Variants in B4GALT1 observed in about 807,000 individuals in gnomAD.
B4GALT1 encodes the protein beta-1,4-galactosyltransferase 1.
Under a neutral mutation model 34.9 loss-of-function variants are expected in B4GALT1, and 16 were observed. The observed-to-expected ratio is 0.46, with a 90% confidence interval of 0.31 to 0.70. B4GALT1 has a LOEUF of 0.70. Among genes scored for constraint, B4GALT1 ranks in the 30% least tolerant of loss-of-function variants. The pLI is 0.05. For missense variants in B4GALT1, 445 were observed against 530.5 expected, an observed-to-expected ratio of 0.84 and a Z score of 1.58; for synonymous variants, 221 against 218.1, an observed-to-expected ratio of 1.01 and a Z score of -0.12.
chr9:33,130,312 G>A (rs1189027342), intron 2 of B4GALT1, among the ~76,000 whole-genome samples: 1 of 152,076 alleles, frequency 6.6e-6, no homozygotes. Context: ...TGAGTATTAG[G>A]AAATGCAGCA....
At chr9:33,144,541 T>C (rs1212563470) in intron 1 of B4GALT1, among the ~76,000 whole-genome samples, 1 of 152,166 alleles carries the variant, frequency 6.6e-6, no homozygotes, top group African/African-American at 2.4e-5. Context: ...CCCAGCCCAT[T>C]TTCTCTTTTT....
chr9:33,174,722 C>A, the B4GALT1 span, among the ~76,000 whole-genome samples: 11 of 147,738 alleles, frequency 7.4e-5, no homozygotes, highest in African/African-American at 2.8e-4. Flanking sequence ...TTTGGGAGGC[C>A]AAGACAGGCA....
At chr9:33,180,325 C>T in the B4GALT1 span, among the ~76,000 whole-genome samples, 1 of 152,120 alleles carries the variant, frequency 6.6e-6, no homozygotes, top group South Asian at 2.1e-4. Context: ...GCATTCCAGC[C>T]GGGGTCTAAG....
chr9:33,123,638 C>T (rs758412948), intron 2 of B4GALT1, among the ~76,000 whole-genome samples: 27 of 152,218 alleles, frequency 1.8e-4, no homozygotes, highest in South Asian at 4.1e-4. Context: ...CAGCAGAGGG[C>T]TCTTTGAGGC....
intron 1 of B4GALT1, among the ~76,000 whole-genome samples, chr9:33,135,979 C>T (rs765057576): frequency 4.7e-5 from 7 of 148,806 alleles, no homozygotes; most frequent in East Asian, 2.0e-4. Flanking sequence ...GAGTTAGCTT[C>T]GAAGTGGAAG....
downstream of B4GALT1, among the ~76,000 whole-genome samples, chr9:33,109,879 T>C (rs1839834269): frequency 6.6e-6 from 1 of 152,184 alleles, no homozygotes; most frequent in Non-Finnish European, 1.5e-5. Flanking sequence ...AGTGGTGGTG[T>C]GTGAGAAGGA....
At chr9:33,131,707 T>C (rs1464081600) in intron 2 of B4GALT1, among the ~76,000 whole-genome samples, 5 of 152,204 alleles carry the variant, frequency 3.3e-5, no homozygotes, top group Admixed American at 2.0e-4. Context: ...TAAGGTTTAT[T>C]TGCTCAACAA....
intron 1 of B4GALT1, among the ~76,000 whole-genome samples, chr9:33,143,207 A>T (rs1840378468): frequency 6.6e-6 from 1 of 152,194 alleles, no homozygotes; most frequent in Non-Finnish European, 1.5e-5. Context: ...CACACAGCAG[A>T]CCGTAGGTGG....
At chr9:33,144,938 A>G (rs1296191236) in intron 1 of B4GALT1, among the ~76,000 whole-genome samples, 1 of 152,218 alleles carries the variant, frequency 6.6e-6, no homozygotes, top group East Asian at 1.9e-4. Context: ...CAGAGCTGGG[A>G]GCCATCTTGC....
At chr9:33,129,092 G>T (rs535265879) in intron 2 of B4GALT1, among the ~76,000 whole-genome samples, 1 of 152,160 alleles carries the variant, frequency 6.6e-6, no homozygotes, top group East Asian at 1.9e-4. Flanking sequence ...TTTCAGGCAG[G>T]CTCCAGCTCT....
intron 1 of B4GALT1, among the ~76,000 whole-genome samples, chr9:33,146,874 T>C (rs760482421): frequency 3.3e-5 from 5 of 152,140 alleles, no homozygotes; most frequent in Non-Finnish European, 7.4e-5. Context: ...CTAATTTTTG[T>C]ATTTTTAGTA....
chr9:33,120,300 C>T, intron 3 of B4GALT1, 119 bp downstream of exon 3: 2 of 1,132,868 alleles, frequency 1.8e-6, no homozygotes, highest in Non-Finnish European at 2.7e-6. Context: ...ACCCATTTCT[C>T]AGAGGAGGCA....
chr9:33,167,365 A>AGAGGG (rs938943230), upstream of B4GALT1: 7 of 567,634 alleles, frequency 1.2e-5, no homozygotes, highest in African/African-American at 2.0e-5. Flanking sequence ...GCGCCGGCGG[A>AGAGGG]GAGGGGAGGG....
intron 1 of B4GALT1, among the ~76,000 whole-genome samples, chr9:33,145,683 A>G (rs973475437): frequency 2.0e-5 from 3 of 152,210 alleles, no homozygotes; most frequent in African/African-American, 7.2e-5. Flanking sequence ...GATTGGCAAA[A>G]AAGCTGTCCT....
Position 33,113,861 on chromosome 9 carries a change from AT to A in B4GALT1, c.976del (p.Met326CysfsTer15). ...CACAGCATTTGGGCGAGATATAGAC[AT>A]GCCTCTAAAAACTAATCTGCAAAGA... ...DIFNRLVFRG[M>X]SISRPNAVVG... On this transcript the variant is annotated frameshift_variant, in exon 5 of 6. Coordinates refer to ENST00000379731, the MANE Select transcript of B4GALT1 (RefSeq NM_001497.4). LOFTEE classifies it high-confidence loss of function. 1 of 1,614,196 alleles carries A rather than the reference AT, an allele frequency of 6.2e-7. No homozygotes were observed. The highest frequency in any genetic ancestry group is 8.5e-7 in the Non-Finnish European group (1 of 1,180,024).
At chr9:33,170,129 C>T (rs1840826675), upstream of B4GALT1, among the ~76,000 whole-genome samples, 1 of 151,688 alleles carries the variant, frequency 6.6e-6, no homozygotes, top group East Asian at 1.9e-4. Context: ...GCCACCATGC[C>T]CGGCTAATTT....
At chr9:33,171,648 G>C (rs953032299), upstream of B4GALT1, among the ~76,000 whole-genome samples, 3 of 151,952 alleles carry the variant, frequency 2.0e-5, no homozygotes, top group Admixed American at 2.0e-4. Flanking sequence ...TCAAACTCCT[G>C]GGCTCAAGTG....
downstream of B4GALT1, among the ~76,000 whole-genome samples, chr9:33,109,884 G>C (rs976117058): frequency 6.6e-6 from 1 of 152,250 alleles, no homozygotes; most frequent in African/African-American, 2.4e-5. Context: ...TGGTGTGTGA[G>C]AAGGAAAGAA....
At chr9:33,120,140 C>T (rs1432336632) in intron 3 of B4GALT1, among the ~76,000 whole-genome samples, 2 of 149,524 alleles carry the variant, frequency 1.3e-5, no homozygotes, top group East Asian at 2.0e-4. Flanking sequence ...GCCAAGATCA[C>T]GGCACTGCAC....
Sources: allele counts gnomAD v4.1 joint callset (sites outside exome capture counted in the v4.1 genomes callset), GRCh38; gene constraint gnomAD v4.1.1; transcripts MANE v1.5; gene names NCBI Gene and HGNC (gene_info 2026-07-23, HGNC 2026-07-21).